PCDH12: variants seen among roughly 807,000 people sequenced by gnomAD.
PCDH12 encodes protocadherin-12.
Under a neutral mutation model 70.9 loss-of-function variants are expected in PCDH12, and 45 were observed. The ratio of observed to expected loss-of-function variants is 0.63; its 90% CI spans 0.50 to 0.81. PCDH12 has a LOEUF of 0.81. Among genes scored for constraint, PCDH12 ranks in the 40% least tolerant of loss-of-function variants. PCDH12 has a pLI of 0.00. For missense variants in PCDH12, 1,370 were observed against 1,491.7 expected (o/e 0.92, Z 1.34); for synonymous variants, 567 against 626.0 (o/e 0.91, Z 1.41).
rs1752835678 is a variant in PCDH12, at chr5:141,943,875, G to A, written c.*1506C>T. On this transcript the variant is annotated 3_prime_UTR_variant, in exon 4 of 4. Coordinates refer to ENST00000231484, the MANE Select transcript of PCDH12 (RefSeq NM_016580.4). ...TTGGGGAGCCTCATTTTCTTCATCT[G>A]TAAAATGGAATAATGATACCACACT... The A allele has an allele frequency of 6.6e-6, 1 of 152,128 alleles. No homozygotes were observed. The allele number at this position is 152,128 out of a possible 1,614,324, so 9.4% of individuals were successfully genotyped here. A position where few individuals can be genotyped will look rare whatever the true frequency, so the allele number is the denominator to read the frequency against.
Position 141,955,505 on chromosome 5 carries a change from C to T in PCDH12, c.2347G>A (p.Gly783Ser). The part of the protein sequence containing the change: ...ADIHLVPVLR[G>S]QAGEPCEVGQ... ...ACTTCACAAGGCTCACCTGCCTGAC[C>T]CCTGAGCACAGGCACGAGGTGGATG... Residue 783 changes from glycine (G) to serine (S), a missense_variant, in exon 1 of 4, where the codon GGT becomes AGT. Coordinates refer to ENST00000231484, the MANE Select transcript of PCDH12 (RefSeq NM_016580.4). The surrounding 1 kb of genome is among the most constrained non-coding windows in gnomAD (Gnocchi z 5.5). 6.2e-7 allele frequency: 1 copy of T among 1,614,154 alleles called. No individual in the cohort carries two copies. The highest frequency in any genetic ancestry group is 8.5e-7 in the Non-Finnish European group (1 of 1,180,022).
Position 141,956,728 on chromosome 5 carries a change from A to G in PCDH12, c.1124T>C (p.Leu375Pro). The G allele has an allele frequency of 6.2e-7, 1 of 1,614,216 alleles. No individual in the cohort carries two copies. Among genetic ancestry groups the G allele is most frequent in the Non-Finnish European group, 8.5e-7 (1 of 1,180,004 alleles). Residue 375 changes from leucine to proline, a missense_variant, in exon 1 of 4, where the codon CTT (leucine) becomes CCT (proline). By Grantham distance (98) the Leu-to-Pro change is moderately conservative. Transcript: ENST00000231484. ...TGAATCCAAGTCATCTGCCATGACA[A>G]GAGCAATAAAACTGTCCTTGGGAAG... ...EALPKDSFIA[L>P]VMADDLDSGH...
chr5:141,953,762 G>A (rs1258760668), intron 1 of PCDH12, among the ~76,000 whole-genome samples: 2 of 152,220 alleles, frequency 1.3e-5, no homozygotes, highest in African/African-American at 4.8e-5. Context: ...CAGCCTCTGG[G>A]TCTGCACCGA....
Position 141,956,324 on chromosome 5 carries a change from T to A in PCDH12, c.1528A>T (p.Ile510Phe). 6.2e-7 allele frequency: 1 copy of A among 1,614,198 alleles called. No individual in the cohort carries two copies. The stretch of plus-strand genomic sequence containing the variant: ...GTGACCTCTCCTGTGTTGGAGTCAA[T>A]AGCTACTAAGTGAGCAACTGGGGAG... The part of the protein sequence containing the change: ...QDSPVAHLVA[I>F]DSNTGEVTAQ... Residue 510 changes from isoleucine (I) to phenylalanine (F), a missense_variant, in exon 1 of 4, where the codon ATT becomes TTT. By Grantham distance (21) the Ile-to-Phe change is conservative. Coordinates refer to ENST00000231484, the MANE Select transcript of PCDH12 (RefSeq NM_016580.4).
Position 141,958,041 on chromosome 5 carries a change from A to G in PCDH12, c.-190T>C. ...CCAAGGCAAGGCCATCTTCATTGGAAGCGATCTGAGATGTCCAAACGCCGA... is the reference window on the plus strand; with the variant it reads ...CCAAGGCAAGGCCATCTTCATTGGAGGCGATCTGAGATGTCCAAACGCCGA... On this transcript the variant is annotated 5_prime_UTR_variant, in exon 1 of 4. Transcript: ENST00000231484. 1 of 650,448 alleles carries G rather than the reference A, an allele frequency of 1.5e-6. No homozygotes were observed. The highest frequency in any genetic ancestry group is 2.0e-5 in the South Asian group (1 of 49,038). 40.3% of individuals were successfully genotyped at this position (650,448 alleles called of 1,614,324 possible). A position where few individuals can be genotyped will look rare whatever the true frequency, so the allele number is the denominator to read the frequency against.
chr5:141,949,713 A>G (rs1753037071), intron 2 of PCDH12, 130 bp from the exon 3 acceptor site: 1 of 1,026,288 alleles, frequency 9.7e-7, no homozygotes, highest in Non-Finnish European at 1.4e-6. Context: ...CTAGAGTCAG[A>G]CCAACCTGGA....
intron 3 of PCDH12, 84 bp downstream of exon 3, chr5:141,949,348 C>T (rs975806015): frequency 1.5e-5 from 22 of 1,497,074 alleles, no homozygotes; most frequent in Non-Finnish European, 1.8e-5. Flanking sequence ...AATGGCTTTT[C>T]CCTGCAGTGG....
chr5:141,957,957 C>T lies in PCDH12; in HGVS notation c.-106G>A. The T allele has an allele frequency of 7.7e-7, 1 of 1,306,774 alleles. No individual in the cohort carries two copies. The allele number at this position is 1,306,774 out of a possible 1,614,324, so 80.9% of individuals were successfully genotyped here. A position where few individuals can be genotyped will look rare whatever the true frequency, so the allele number is the denominator to read the frequency against. ...GCTTGATCAGCCCCGTGCTCCTTCC[C>T]CCAGAGCTGCCGGCACAACCTTGTC... is the stretch of plus-strand genomic sequence containing the variant. On this transcript the variant is annotated 5_prime_UTR_variant, in exon 1 of 4. Coordinates refer to ENST00000231484, the MANE Select transcript of PCDH12 (RefSeq NM_016580.4). This position sits in a 1 kb window ranked among gnomAD's most constrained non-coding sequence, Gnocchi z 4.3.
chr5:141,946,478 A>G (rs1186764084), intron 3 of PCDH12, among the ~76,000 whole-genome samples: 1 of 151,836 alleles, frequency 6.6e-6, no homozygotes. Context: ...GCACCACCCT[A>G]CCCTCTCTCT....
chr5:141,956,075 C>T lies in PCDH12; in HGVS notation c.1777G>A (p.Glu593Lys), dbSNP rs550140086. 14 of 1,614,142 alleles carry T rather than the reference C, an allele frequency of 8.7e-6. No individual in the cohort carries two copies. The highest frequency in any genetic ancestry group is 3.3e-5 in the South Asian group (3 of 91,070). The change falls in exon 1 of 4, where the codon GAG becomes AAG. Residue 593 changes from glutamate (E) to lysine (K), a missense_variant. Glu to Lys is a moderately conservative substitution (Grantham distance 56, BLOSUM62 1). Transcript: ENST00000231484. ...GCTGGGCCCAAGCCATTGGGAGTCT[C>T]GATGGGCACCAGCAGGTGGCCTGTG... ...ASTGHLLVPI[E>K]TPNGLGPAGT...
At position 141,955,673 on chromosome 5, in the gene PCDH12, C is replaced by A; in HGVS notation, c.2179G>T (p.Gly727Cys). The A allele has an allele frequency of 6.2e-7, 1 of 1,614,108 alleles. No individual in the cohort carries two copies. Among genetic ancestry groups the A allele is most frequent in the Non-Finnish European group, 8.5e-7 (1 of 1,180,012 alleles). Residue 727 changes from glycine (G) to cysteine (C), a missense_variant, in exon 1 of 4, where the codon GGC (glycine) becomes TGC (cysteine). By Grantham distance (159) the Gly-to-Cys change is radical. Transcript: ENST00000231484. The surrounding 1 kb of genome is among the most constrained non-coding windows in gnomAD (Gnocchi z 5.5). ...AAAGCCAGGATCAACCCGAAGATGC[C>A]CAACAGTACAGCCAGGCAGATCACC... ...LTVICLAVLL[G>C]IFGLILALFM...
At chr5:141,948,351 A>T (rs553314732) in intron 3 of PCDH12, among the ~76,000 whole-genome samples, 8 of 152,200 alleles carry the variant, frequency 5.3e-5, no homozygotes, top group Non-Finnish European at 1.2e-4. Context: ...AGTCCCTGCC[A>T]TACCTTCAGT....
chr5:141,955,086 A>G lies in PCDH12; in HGVS notation c.2766T>C (p.Pro922=), dbSNP rs760223768. The G allele has an allele frequency of 8.1e-6, 13 of 1,614,090 alleles. 1 individual carries two copies. In the African/African-American group the frequency reaches 1.1e-4, roughly 13 times the overall value. Residue 922 remains proline, a synonymous_variant, in exon 1 of 4, where the codon CCT becomes CCC. Coordinates refer to ENST00000231484, the MANE Select transcript of PCDH12 (RefSeq NM_016580.4). The surrounding 1 kb of genome is among the most constrained non-coding windows in gnomAD (Gnocchi z 5.5). ...RQRHLNGKVS[P]EKESGPRQIL... Reference sequence around the variant, plus strand: ...TCTGACGGGGCCCTGATTCTTTCTCAGGGGACACTTTGCCATTGAGATGTC... The same window carrying G: ...TCTGACGGGGCCCTGATTCTTTCTCGGGGGACACTTTGCCATTGAGATGTC...
At chr5:141,951,747 G>C (rs142330701) in intron 1 of PCDH12, among the ~76,000 whole-genome samples, 157 bp from the exon 2 acceptor site, 263 of 152,350 alleles carry the variant, frequency 1.7e-3, no homozygotes, top group African/African-American at 6.0e-3. Context: ...CAGTGACAGA[G>C]ACAGGGACCT....
chr5:141,955,294 G>C lies in PCDH12; in HGVS notation c.2558C>G (p.Pro853Arg). ...QDTVNLLFNH[P>R]RQRNASRENL... ...CTCCCGGGAGGCATTCCTCTGCCTG[G>C]GATGGTTGAAAAGGAGGTTGACCGT... The change falls in exon 1 of 4, where the codon CCC (proline) becomes CGC (arginine). Residue 853 changes from proline (P) to arginine (R), a missense_variant. By Grantham distance (103) the Pro-to-Arg change is moderately radical. Transcript: ENST00000231484. This position sits in a 1 kb window ranked among gnomAD's most constrained non-coding sequence, Gnocchi z 5.5. 6.2e-7 allele frequency: 1 copy of C among 1,614,188 alleles called. No homozygotes were observed. The highest frequency in any genetic ancestry group is 8.5e-7 in the Non-Finnish European group (1 of 1,180,036).
rs1292288420 is a variant in PCDH12 at position 141,955,900 on chromosome 5, G to A, written c.1952C>T (p.Pro651Leu). ...GNEAHLFILNPHTGQLFVNVT... is the reference protein window; with the variant it reads ...GNEAHLFILNLHTGQLFVNVT... ...ATTGACGAACAGCTGCCCCGTATGA[G>A]GGTTGAGGATGAAGAGGTGGGCTTC... The change falls in exon 1 of 4, where the codon CCT becomes CTT. Residue 651 changes from proline (P) to leucine (L), a missense_variant. Transcript: ENST00000231484. The surrounding 1 kb of genome is among the most constrained non-coding windows in gnomAD (Gnocchi z 5.5). The A allele has an allele frequency of 6.2e-7, 1 of 1,614,168 alleles. No homozygotes were observed. The highest frequency in any genetic ancestry group is 1.1e-5 in the South Asian group (1 of 91,084).
At position 141,956,591 on chromosome 5, in the gene PCDH12, C is replaced by G. The variant is rs1339252501; in HGVS notation, c.1261G>C (p.Glu421Gln). The G allele has an allele frequency of 4.3e-6, 7 of 1,614,104 alleles. No homozygotes were observed. Among genetic ancestry groups the G allele is most frequent in the East Asian group, 2.2e-5 (1 of 44,888 alleles). The stretch of plus-strand genomic sequence containing the variant: ...GTGAGGGTATATTTGGGCCACTGCT[C>G]TCTGTCCAGTGTGGCATTGGTTAGC... ...MLLTNATLDREQWPKYTLTLL... is the reference protein window; with the variant it reads ...MLLTNATLDRQQWPKYTLTLL... Residue 421 changes from glutamate to glutamine, a missense_variant, in exon 1 of 4, where the codon GAG becomes CAG. Transcript: ENST00000231484.
In PCDH12 at chr5:141,944,298, TACTTGTTGGGAAAGA is replaced by T. The variant is rs1456212726; in HGVS notation, c.*1068_*1082del. 2 of 152,268 alleles carry T rather than the reference TACTTGTTGGGAAAGA, an allele frequency of 1.3e-5. No homozygotes were observed. The highest frequency in any genetic ancestry group is 4.8e-5 in the African/African-American group (2 of 41,456). The allele number at this position is 152,268 out of a possible 1,614,324, so 9.4% of individuals were successfully genotyped here. A position where few individuals can be genotyped will look rare whatever the true frequency, so the allele number is the denominator to read the frequency against. ...AAGATGACATCCGCACTTGAAGAGC[TACTTGTTGGGAAAGA>T]ACGGGTCTGCATCAGTTCAGATCCA... On this transcript the variant is annotated 3_prime_UTR_variant, in exon 4 of 4. Transcript: ENST00000231484.
In PCDH12 at chr5:141,951,555, G is replaced by A. The variant is rs1274182803; in HGVS notation, c.2916C>T (p.Gly972=). The change falls in exon 2 of 4, where the codon GGC becomes GGT. Residue 972 remains glycine, a synonymous_variant. Coordinates refer to ENST00000231484, the MANE Select transcript of PCDH12 (RefSeq NM_016580.4). ...GGTGGTTTGGTTTGGGCTGGAATTG[G>A]CCCTGATGCAGCAAGGACAGCAGCT... ...ISQLLSLLHQ[G]QFQPKPNHRG... is the part of the protein sequence containing the mutation. The A allele has an allele frequency of 1.9e-6, 3 of 1,614,218 alleles. No homozygotes were observed. The highest frequency in any genetic ancestry group is 2.2e-5 in the East Asian group (1 of 44,894).
Sources: allele counts gnomAD v4.1 joint callset (sites outside exome capture counted in the v4.1 genomes callset), GRCh38; gene constraint gnomAD v4.1.1; non-coding constraint Gnocchi (gnomAD v3.1); transcripts MANE v1.5; gene names NCBI Gene and HGNC (gene_info 2026-07-23, HGNC 2026-07-21).